SLC4A4: variants seen among roughly 807,000 people sequenced by gnomAD.
SLC4A4 encodes the protein electrogenic sodium bicarbonate cotransporter 1.
In SLC4A4, 27 loss-of-function variants were observed where a neutral mutation model predicts 111.5. The observed-to-expected ratio is 0.24, with a 90% CI of 0.18 to 0.33. The LOEUF is 0.33. Ranked by LOEUF, SLC4A4 falls within the 10% of genes least tolerant of loss-of-function variation. The pLI is 1.00. For missense variants in SLC4A4, 909 were observed against 1,315.5 expected, an observed-to-expected ratio of 0.69 and a Z score of 4.78; for synonymous variants, 443 against 463.4, an observed-to-expected ratio of 0.96 and a Z score of 0.57.
At chr4:71,429,253 T>A (rs2149038474) in intron 7 of SLC4A4, among the ~76,000 whole-genome samples, 2 of 152,076 alleles carry the variant, frequency 1.3e-5, no homozygotes, top group Middle Eastern at 6.8e-3. Context: ...CTGAGTGGAG[T>A]GTGAAAGATT....
chr4:71,505,828 T>C (rs938383299), intron 16 of SLC4A4, among the ~76,000 whole-genome samples: 3 of 152,150 alleles, frequency 2.0e-5, no homozygotes, highest in Non-Finnish European at 2.9e-5. Context: ...TTTGGGGTTT[T>C]ATGATTAAGT....
Position 71,299,439 on chromosome 4 carries a change from G to A in SLC4A4, c.254-39931G>A, listed in dbSNP as rs181164316. On this transcript the variant is annotated intron_variant, in intron 3 of 25. Transcript: ENST00000264485. ...GCTCTGTGTAGAGCTTCCCCAGGCT[G>A]TTGGGAGCTGGGAGACTGCTTGGCC... is the stretch of plus-strand genomic sequence containing the variant. Among the ~76,000 whole-genome samples the A allele has an allele frequency of 1.0e-3, 154 of 151,906 alleles. 1 individual carries two copies. The highest frequency in any genetic ancestry group is 3.6e-3 in the African/African-American group (149 of 41,374).
intron 2 of SLC4A4, among the ~76,000 whole-genome samples, chr4:71,109,512 G>C (rs543495470): frequency 2.4e-4 from 36 of 152,088 alleles, no homozygotes; most frequent in Middle Eastern, 3.4e-3. Flanking sequence ...CTGATATTTG[G>C]AGGACAGGGT....
chr4:71,314,288 T>C (rs1276589939), intron 3 of SLC4A4, among the ~76,000 whole-genome samples: 2 of 152,182 alleles, frequency 1.3e-5, no homozygotes, highest in East Asian at 3.9e-4. Flanking sequence ...CTAATGAGGA[T>C]GTGGAGAATT....
Position 71,547,632 on chromosome 4 carries a change from T to G in SLC4A4, c.2622-16T>G, listed in dbSNP as rs1735651242. 1 of 1,607,298 alleles carries G rather than the reference T, an allele frequency of 6.2e-7. No homozygotes were observed. Among genetic ancestry groups the G allele is most frequent in the African/African-American group, 1.3e-5 (1 of 74,668 alleles). On this transcript the variant is annotated splice_polypyrimidine_tract_variant and intron_variant, in intron 19 of 25. Transcript: ENST00000264485. ...AAGACAAGAGGTAGATTGGTAATCT[T>G]TTGATTTGGTTTCAGGGAACAAAGA...
chr4:71,067,452 G>T (rs1741550672), intron 1 of SLC4A4, among the ~76,000 whole-genome samples: 3 of 152,064 alleles, frequency 2.0e-5, no homozygotes, highest in African/African-American at 7.2e-5. Context: ...CTTGATTATT[G>T]GCTATTTTGT....
At chr4:71,174,814 C>T (rs2148984087) in intron 2 of SLC4A4, among the ~76,000 whole-genome samples, 1 of 152,312 alleles carries the variant, frequency 6.6e-6, no homozygotes, top group East Asian at 1.9e-4. Flanking sequence ...ATGATTATGG[C>T]TTACGATGTA....
At chr4:71,206,398 G>A (rs1239403735) in intron 1 of SLC4A4, among the ~76,000 whole-genome samples, 3 of 152,084 alleles carry the variant, frequency 2.0e-5, no homozygotes, top group Admixed American at 2.0e-4. Flanking sequence ...ACAATTCACA[G>A]TTTTCAACAG....
Position 71,235,619 on chromosome 4 carries a change from G to T in SLC4A4, c.-1-957G>T, listed in dbSNP as rs537950612. Among the ~76,000 whole-genome samples the T allele has an allele frequency of 5.3e-5, 8 of 152,308 alleles. 1 individual carries two copies. The South Asian group carries it at 1.5e-3, about 28-fold the overall frequency. On this transcript the variant is annotated intron_variant, in intron 1 of 25. Transcript: ENST00000264485. ...TGGAATTCTGTATATCAAAGTTAAT[G>T]CAATGAAAAGGAGCTGCAGAATATG... is the stretch of plus-strand genomic sequence containing the variant.
intron 3 of SLC4A4, among the ~76,000 whole-genome samples, chr4:71,259,887 G>A (rs1016485614): frequency 3.3e-5 from 5 of 152,162 alleles, no homozygotes; most frequent in East Asian, 1.9e-4. Context: ...ACAGAACATC[G>A]TGTTCAGCAT....
Position 71,366,300 on chromosome 4 carries a change from T to A in SLC4A4, c.730+9113T>A, listed in dbSNP as rs183495527. Among the ~76,000 whole-genome samples, 53 of 134,010 alleles carry A rather than the reference T, an allele frequency of 4.0e-4. 1 individual carries two copies. In the East Asian group the frequency reaches 0.012, roughly 31 times the overall value. The allele number at this position is 134,010 out of a possible 152,430, so 87.9% of individuals were successfully genotyped here. A position where few individuals can be genotyped will look rare whatever the true frequency, so the allele number is the denominator to read the frequency against. ...TAATAGGATTGTTTTAAAAAAAGCA[T>A]TTTTTCTGGAGATATTGTGTGTGTG... On this transcript the variant is annotated intron_variant, in intron 6 of 25. Transcript: ENST00000264485.
intron 2 of SLC4A4, among the ~76,000 whole-genome samples, chr4:71,132,573 A>G (rs768169466): frequency 1.3e-5 from 2 of 152,212 alleles, no homozygotes; most frequent in Non-Finnish European, 2.9e-5. Context: ...GTGCCTGGAT[A>G]CAGAGGGACA....
chr4:71,249,144 T>C (rs750126284), intron 2 of SLC4A4, among the ~76,000 whole-genome samples: 1 of 152,136 alleles, frequency 6.6e-6, no homozygotes, highest in Non-Finnish European at 1.5e-5. Flanking sequence ...TTTCAGTATA[T>C]AAAATTCCCA....
chr4:71,470,460 G>A (rs77610547), intron 13 of SLC4A4, among the ~76,000 whole-genome samples: 1 of 152,154 alleles, frequency 6.6e-6, no homozygotes, highest in East Asian at 1.9e-4. Context: ...GGGGAATCAT[G>A]CTACAATTTT....
At chr4:71,143,383 A>G (rs1221694800) in intron 2 of SLC4A4, among the ~76,000 whole-genome samples, 1 of 152,088 alleles carries the variant, frequency 6.6e-6, no homozygotes, top group Non-Finnish European at 1.5e-5. Context: ...AGTCTTTGCT[A>G]TTGTGAATAG....
chr4:71,338,968 T>G (rs1728660453), intron 3 of SLC4A4: 4 of 1,012,756 alleles, frequency 3.9e-6, no homozygotes, highest in Middle Eastern at 7.2e-4. Context: ...TGGGGTACTT[T>G]GTTGTCCCTC....
intron 7 of SLC4A4, among the ~76,000 whole-genome samples, chr4:71,405,668 A>G (rs950352380): frequency 6.6e-6 from 1 of 152,144 alleles, no homozygotes; most frequent in Admixed American, 6.5e-5. Flanking sequence ...TATGTTCTAG[A>G]TCTTTAAACA....
At chr4:71,099,704 TAAAG>T (rs1742666458) in intron 2 of SLC4A4, among the ~76,000 whole-genome samples, 1 of 151,792 alleles carries the variant, frequency 6.6e-6, no homozygotes, top group Non-Finnish European at 1.5e-5. Flanking sequence ...GCTAGACAAA[TAAAG>T]AAGAAAAGAG....
At chr4:71,107,730 C>CA (rs1742980886) in intron 2 of SLC4A4, among the ~76,000 whole-genome samples, 1 of 150,442 alleles carries the variant, frequency 6.6e-6, no homozygotes, top group Non-Finnish European at 1.5e-5. Flanking sequence ...TTCTTATAAA[C>CA]AGAGTCTCAC....
Sources: allele counts gnomAD v4.1 joint callset (sites outside exome capture counted in the v4.1 genomes callset), GRCh38; gene constraint gnomAD v4.1.1; transcripts MANE v1.5; gene names NCBI Gene and HGNC (gene_info 2026-07-23, HGNC 2026-07-21).